The following CLEC12B variants were observed in gnomAD, a reference collection of about 807,000 sequenced individuals.
CLEC12B encodes C-type lectin domain family 12 member B, also known as macrophage antigen h.
In CLEC12B, 25 loss-of-function variants were observed where a neutral mutation model predicts 36.1. The observed-to-expected ratio is 0.69, with a 90% CI of 0.50 to 0.97. The LOEUF (loss-of-function observed/expected upper bound fraction) is 0.97. Ranked by LOEUF, CLEC12B falls within the 50% of genes least tolerant of loss-of-function variation. The pLI is 0.00. For missense variants in CLEC12B, 325 were observed against 318.4 expected (o/e 1.02, Z -0.16); for synonymous variants, 110 against 108.5 (o/e 1.01, Z -0.09).
At position 10,015,357 on chromosome 12, in the gene CLEC12B, G is replaced by C; in HGVS notation, c.515G>C (p.Cys172Ser). ...ACCTGGGCTAACAGTAGAAAGGACT[G>C]CATAGACAAGAACTCCACCCTAGTG... ...EKTWANSRKDCIDKNSTLVKI... is the reference protein window; with the variant it reads ...EKTWANSRKDSIDKNSTLVKI... The change falls in exon 4 of 6, where the codon TGC (cysteine) becomes TCC (serine). Residue 172 changes from cysteine (C) to serine (S), a missense_variant. Cys to Ser is a moderately radical substitution (Grantham distance 112, BLOSUM62 -1). Transcript: ENST00000338896. 1 of 1,613,400 alleles carries C rather than the reference G, an allele frequency of 6.2e-7. No homozygotes were observed. The highest frequency in any genetic ancestry group is 1.3e-5 in the African/African-American group (1 of 75,020).
chr12:10,014,382 GGTTT>G (rs1033776651), intron 2 of CLEC12B, 137 bp from the exon 3 acceptor site: 9 of 575,590 alleles, frequency 1.6e-5, no homozygotes, highest in Non-Finnish European at 2.2e-5. Context: ...AAAGGCATCT[GGTTT>G]GTTTCTTTCA....
chr12:10,009,426 C>G (rs1423957266), upstream of CLEC12B, among the ~76,000 whole-genome samples: 2 of 152,076 alleles, frequency 1.3e-5, no homozygotes, highest in East Asian at 3.8e-4. Flanking sequence ...TCAATGGTCT[C>G]TGCCTTTTCT....
rs1470377248 is a variant in CLEC12B, at chr12:10,015,717, T to C, written c.670T>C (p.Ser224Pro). The change falls in exon 5 of 6, where the codon TCT becomes CCT. Residue 224 changes from serine (S) to proline (P), a missense_variant. Physicochemically the swap from Ser to Pro is moderately conservative, Grantham distance 74. Coordinates refer to ENST00000338896, the MANE Select transcript of CLEC12B (RefSeq NM_001129998.3). Reference protein sequence around the residue: ...SWFWEDGSVPSPSLFSTKELD... With the variant: ...SWFWEDGSVPPPSLFSTKELD... ...GTTCTGGGAAGATGGCTCTGTTCCC[T>C]CTCCATCCTTGTACGTCTCTAACTA... 6.2e-7 allele frequency: 1 copy of C among 1,613,484 alleles called. No individual in the cohort carries two copies. The highest frequency in any genetic ancestry group is 1.3e-5 in the African/African-American group (1 of 74,866).
chr12:10,010,072 A>G (rs1238540084), upstream of CLEC12B, among the ~76,000 whole-genome samples: 2 of 152,126 alleles, frequency 1.3e-5, no homozygotes, highest in East Asian at 1.9e-4. Flanking sequence ...ACCATGCCAG[A>G]AGAGGGCACT....
At chr12:10,012,947 T>C in intron 2 of CLEC12B, 64 bp downstream of exon 2, 1 of 1,204,532 alleles carries the variant, frequency 8.3e-7, no homozygotes, top group Non-Finnish European at 1.2e-6. Flanking sequence ...CCATGTACTT[T>C]CAGCTTGGAT....
upstream of CLEC12B, among the ~76,000 whole-genome samples, chr12:10,007,986 A>G (rs1455315768): frequency 6.6e-6 from 1 of 152,218 alleles, no homozygotes; most frequent in Non-Finnish European, 1.5e-5. Flanking sequence ...TAGAGTGTAG[A>G]ATACCCAGAG....
Position 10,018,452 on chromosome 12 carries a change from G to A in CLEC12B, c.802G>A (p.Ala268Thr). Residue 268 changes from alanine (A) to threonine (T), a missense_variant, in exon 6 of 6, where the codon GCC becomes ACC. Physicochemically the swap from Ala to Thr is moderately conservative, Grantham distance 58. Transcript: ENST00000338896. ...EIFWICEKTA[A>T]PVKTEDLD ...TTTTTGGATTTGCGAGAAGACAGCT[G>A]CCCCAGTGAAGACTGAGGATTTGGA... is the stretch of plus-strand genomic sequence containing the variant. 6.4e-7 allele frequency: 1 copy of A among 1,550,748 alleles called. No individual in the cohort carries two copies. Among genetic ancestry groups the A allele is most frequent in the Non-Finnish European group, 8.7e-7 (1 of 1,146,576 alleles).
chr12:10,017,823 C>T, intron 5 of CLEC12B: 2 of 954,442 alleles, frequency 2.1e-6, no homozygotes, highest in South Asian at 9.7e-5. Flanking sequence ...ATTGTCAGAA[C>T]CATATCTATA....
chr12:10,012,940 T>C (rs749020328), intron 2 of CLEC12B, 57 bp downstream of exon 2: 21 of 1,281,828 alleles, frequency 1.6e-5, no homozygotes, highest in Middle Eastern at 1.9e-4. Context: ...TTGTAAACCA[T>C]GTACTTTCAG....
upstream of CLEC12B, among the ~76,000 whole-genome samples, chr12:10,006,351 A>T (rs1352646618): frequency 6.6e-6 from 1 of 152,114 alleles, no homozygotes; most frequent in East Asian, 1.9e-4. Flanking sequence ...CAATTTTTGG[A>T]CATTATCAAT....
intron 5 of CLEC12B, 116 bp from the exon 6 acceptor site, chr12:10,018,215 G>A: frequency 1.4e-6 from 1 of 716,284 alleles, no homozygotes. Context: ...CTTTGTGGAG[G>A]CAGAAGTCTC....
chr12:10,016,399 T>G (rs1159803360), intron 5 of CLEC12B: 4 of 153,898 alleles, frequency 2.6e-5, no homozygotes, highest in Admixed American at 1.3e-4. Context: ...ATATAACACT[T>G]GGAAAATTTC....
At chr12:10,012,550 C>A (rs1297241068) in intron 1 of CLEC12B, among the ~76,000 whole-genome samples, 1 of 152,126 alleles carries the variant, frequency 6.6e-6, no homozygotes, top group Admixed American at 6.6e-5. Flanking sequence ...ATGCCTCCCC[C>A]CTCCCCCAAC....
In CLEC12B at chr12:10,014,509, G is replaced by A; in HGVS notation, c.191-14G>A. 1 of 1,579,458 alleles carries A rather than the reference G, an allele frequency of 6.3e-7. No homozygotes were observed. The highest frequency in any genetic ancestry group is 8.7e-7 in the Non-Finnish European group (1 of 1,149,032). On this transcript the variant is annotated splice_polypyrimidine_tract_variant and intron_variant, in intron 2 of 5. Transcript: ENST00000338896. ...AGAAGAATATATGAACTTGTCTCCT[G>A]TCATGTCTTGGAGTTTTGCAGATAT... is the stretch of plus-strand genomic sequence containing the variant.
At chr12:10,009,332 A>C (rs1323269082), upstream of CLEC12B, among the ~76,000 whole-genome samples, 1 of 151,628 alleles carries the variant, frequency 6.6e-6, no homozygotes, top group Non-Finnish European at 1.5e-5. Context: ...GCAGGAACCA[A>C]CTCCGGACAC....
At position 10,015,875 on chromosome 12, in the gene CLEC12B, G is replaced by T. The variant is rs2137275311; in HGVS notation, c.680+148G>T. On this transcript the variant is annotated intron_variant, in intron 5 of 5. Transcript: ENST00000338896. ...CTCCAGTAACAAATATTGAAAGGAG[G>T]TATAGTTCATTTCATCTCTGTGACA... is the stretch of plus-strand genomic sequence containing the variant. The T allele has an allele frequency of 4.1e-6, 6 of 1,461,622 alleles. No homozygotes were observed. In the South Asian group the frequency reaches 4.5e-5, roughly 11 times the overall value. The allele number at this position is 1,461,622 out of a possible 1,614,324, so 90.5% of individuals were successfully genotyped here.
rs550998499 is a variant in CLEC12B at position 10,013,868 on chromosome 12, C to T, written c.191-655C>T. 7.2e-5 allele frequency among the ~76,000 whole-genome samples: 11 copies of T among 152,184 alleles called. No homozygotes were observed. The South Asian group carries it at 2.3e-3, about 32-fold the overall frequency. The stretch of plus-strand genomic sequence containing the variant: ...GCCAATCAGTATGAGGATTAGCAGC[C>T]GATCTTCTACAATAATGTATATTTA... On this transcript the variant is annotated intron_variant, in intron 2 of 5. Transcript: ENST00000338896.
At chr12:10,007,015 A>G (rs541309135), upstream of CLEC12B, among the ~76,000 whole-genome samples, 1 of 152,180 alleles carries the variant, frequency 6.6e-6, no homozygotes, top group South Asian at 2.1e-4. Context: ...AGATCGCGCC[A>G]CTGCACTCCA....
rs1260916359 is a variant in CLEC12B at position 10,015,261 on chromosome 12, GT to G, written c.420del (p.Cys140Ter). On this transcript the variant is annotated frameshift_variant, in exon 4 of 6. Transcript: ENST00000338896. LOFTEE classifies it high-confidence loss of function. ...ELIIHTSDHR[C>X]NPCPKMWQWY... ...ATAATTTCCTTTTCAGACCACAGAT[GT>G]AATCCATGTCCTAAGATGTGGCAAT... 1 of 1,612,004 alleles carries G rather than the reference GT, an allele frequency of 6.2e-7. No homozygotes were observed. Among genetic ancestry groups the G allele is most frequent in the East Asian group, 2.2e-5 (1 of 44,866 alleles).
Sources: allele counts gnomAD v4.1 joint callset (sites outside exome capture counted in the v4.1 genomes callset), GRCh38; gene constraint gnomAD v4.1.1; transcripts MANE v1.5; gene names NCBI Gene and HGNC (gene_info 2026-07-23, HGNC 2026-07-21).